Variants in FGF12 observed in about 807,000 individuals in gnomAD.
FGF12 encodes the protein fibroblast growth factor 12B.
FGF12 carries 14 observed loss-of-function variants against 23.6 expected under a neutral mutation model. The observed-to-expected ratio is 0.59, with a 90% CI of 0.39 to 0.93. The LOEUF (loss-of-function observed/expected upper bound fraction) is 0.93. Among genes scored for constraint, FGF12 ranks in the 40% least tolerant of loss-of-function variants. FGF12 has a pLI of 0.00. For missense variants in FGF12, 175 were observed against 217.8 expected (o/e 0.80, Z 1.24); for synonymous variants, 62 against 77.3 (o/e 0.80, Z 1.04).
chr3:192,552,791 T>C (rs1366580571), intron 2 of FGF12, among the ~76,000 whole-genome samples: 1 of 152,084 alleles, frequency 6.6e-6, no homozygotes, highest in African/African-American at 2.4e-5. Context: ...CTCCGGAGGC[T>C]GAGGCATGAA....
At chr3:192,166,983 A>C (rs1033158199) in intron 5 of FGF12, among the ~76,000 whole-genome samples, 5 of 152,082 alleles carry the variant, frequency 3.3e-5, no homozygotes, top group African/African-American at 7.2e-5. Context: ...ATTCTAAAGG[A>C]TCAGTCAATA....
At chr3:192,677,480 A>G (rs923573253) in intron 2 of FGF12, among the ~76,000 whole-genome samples, 1 of 152,198 alleles carries the variant, frequency 6.6e-6, no homozygotes, top group Admixed American at 6.5e-5. Flanking sequence ...TTCACTTTGA[A>G]CAGAATTTCC....
chr3:192,317,123 G>T (rs1716265590), intron 4 of FGF12, among the ~76,000 whole-genome samples: 1 of 152,056 alleles, frequency 6.6e-6, no homozygotes, highest in Non-Finnish European at 1.5e-5. Context: ...TTAAAGCTGT[G>T]CTGGCTTCAA....
intron 2 of FGF12, among the ~76,000 whole-genome samples, chr3:192,656,287 A>G (rs1441852024): frequency 4.6e-5 from 3 of 64,868 alleles, no homozygotes; most frequent in African/African-American, 2.7e-4. Context: ...AAAGACACAC[A>G]CACACACACA....
chr3:192,179,489 C>G (rs1177725151), intron 4 of FGF12, among the ~76,000 whole-genome samples: 1 of 151,256 alleles, frequency 6.6e-6, no homozygotes, highest in Non-Finnish European at 1.5e-5. Flanking sequence ...TACTTAATTT[C>G]TCTGAAACTC....
intron 4 of FGF12, among the ~76,000 whole-genome samples, chr3:192,317,033 G>A (rs1716260540): frequency 6.6e-6 from 1 of 152,062 alleles, no homozygotes; most frequent in Admixed American, 6.5e-5. Context: ...CCCAGTTCTG[G>A]CAGGATCCAT....
At chr3:192,705,789 T>C (rs1577132046) in intron 2 of FGF12, among the ~76,000 whole-genome samples, 1 of 152,306 alleles carries the variant, frequency 6.6e-6, no homozygotes, top group East Asian at 1.9e-4. Context: ...ATGCAACATC[T>C]GCAAAGTACA....
chr3:192,462,125 T>A (rs73068400), intron 2 of FGF12, among the ~76,000 whole-genome samples: 1 of 152,134 alleles, frequency 6.6e-6, no homozygotes, highest in Admixed American at 6.5e-5. Flanking sequence ...AAGAAATGTA[T>A]ATTAAAATAA....
rs1718688484 is a variant in FGF12, at chr3:192,360,805, G to A, written c.14-267C>T. The A allele has an allele frequency of 4.6e-6, 2 of 437,442 alleles. No individual in the cohort carries two copies. The highest frequency in any genetic ancestry group is 2.0e-5 in the African/African-American group (1 of 49,814). 27.1% of individuals were successfully genotyped at this position (437,442 alleles called of 1,614,324 possible). On this transcript the variant is annotated intron_variant, in intron 2 of 5. Coordinates refer to ENST00000445105, the MANE Select transcript of FGF12 (RefSeq NM_004113.6). The surrounding 1 kb of genome is among the most constrained non-coding windows in gnomAD (Gnocchi z 4.3). ...AAAATACAGAGACATGCTAAAAAGT[G>A]AGTTATTTTCCTCCTTTGTGCATCT...
At chr3:192,587,612 T>G (rs976597854) in intron 2 of FGF12, among the ~76,000 whole-genome samples, 2 of 151,758 alleles carry the variant, frequency 1.3e-5, no homozygotes, top group African/African-American at 4.8e-5. Flanking sequence ...GCCCAGAAAT[T>G]TGAGACCAGC....
chr3:192,717,501 C>A (rs540009638), intron 2 of FGF12, among the ~76,000 whole-genome samples: 2 of 152,112 alleles, frequency 1.3e-5, no homozygotes, highest in South Asian at 2.1e-4. Flanking sequence ...AGCATGAAAG[C>A]ATGAAGAATA....
chr3:192,335,968 T>C (rs577464021), intron 3 of FGF12, among the ~76,000 whole-genome samples: 9 of 152,010 alleles, frequency 5.9e-5, no homozygotes, highest in Non-Finnish European at 1.2e-4. Flanking sequence ...ATTACTGACT[T>C]ATTGGTGATA....
intron 4 of FGF12, among the ~76,000 whole-genome samples, chr3:192,297,968 A>C (rs1397983201): frequency 6.6e-6 from 1 of 152,178 alleles, no homozygotes; most frequent in Non-Finnish European, 1.5e-5. Context: ...GAATGTCTAT[A>C]TTTCTGAATA....
chr3:192,468,365 C>A (rs758790177), intron 2 of FGF12, among the ~76,000 whole-genome samples: 5 of 152,200 alleles, frequency 3.3e-5, no homozygotes. Flanking sequence ...GAATCCTATC[C>A]AGGATCCAAA....
At chr3:192,330,278 A>C (rs1280634404) in intron 4 of FGF12, among the ~76,000 whole-genome samples, 6 of 152,174 alleles carry the variant, frequency 3.9e-5, no homozygotes, top group African/African-American at 1.4e-4. Flanking sequence ...AACCATCTTA[A>C]GAAAAAATAA....
intron 4 of FGF12, among the ~76,000 whole-genome samples, chr3:192,235,222 C>T (rs939413286): frequency 1.3e-5 from 2 of 152,102 alleles, no homozygotes; most frequent in African/African-American, 4.8e-5. Flanking sequence ...TTTCAGAACT[C>T]GTTATTGGCC....
intron 2 of FGF12, among the ~76,000 whole-genome samples, chr3:192,475,298 A>C (rs1476363779): frequency 6.6e-6 from 1 of 152,240 alleles, no homozygotes; most frequent in Admixed American, 6.5e-5. Context: ...GATTAAGGAT[A>C]GGTTGTTCCT....
chr3:192,718,098 C>T (rs902228547), intron 2 of FGF12, among the ~76,000 whole-genome samples: 2 of 150,424 alleles, frequency 1.3e-5, no homozygotes, highest in African/African-American at 4.9e-5. Context: ...ATCAGACTTC[C>T]TATCAATAAT....
At chr3:192,708,202 A>G (rs1011645186) in intron 2 of FGF12, among the ~76,000 whole-genome samples, 1 of 151,898 alleles carries the variant, frequency 6.6e-6, no homozygotes, top group Non-Finnish European at 1.5e-5. Context: ...CTCGTGATCC[A>G]CCCACCTCGG....
Sources: gnomAD v4.1 joint callset for allele counts (sites outside exome capture counted in the v4.1 genomes callset) on GRCh38, gnomAD v4.1.1 for gene constraint, Gnocchi (gnomAD v3.1) non-coding constraint, MANE v1.5 for transcripts, NCBI Gene and HGNC (gene_info 2026-07-23, HGNC 2026-07-21) for gene names.